Variants in GALNTL6 observed in about 807,000 individuals in gnomAD.
GALNTL6 encodes the protein polypeptide N-acetylgalactosaminyltransferase like 6.
Under a neutral mutation model 73.7 loss-of-function variants are expected in GALNTL6, and 46 were observed. That is an observed-to-expected ratio of 0.62 (90% CI 0.49 to 0.80). The LOEUF is 0.80. Among genes scored for constraint, GALNTL6 ranks in the 30% least tolerant of loss-of-function variants. The pLI is 0.00. For synonymous variants in GALNTL6, 259 were observed against 263.7 expected (o/e 0.98, Z 0.17); for missense variants, 604 against 755.0 (o/e 0.80, Z 2.34).
intron 10 of GALNTL6, among the ~76,000 whole-genome samples, chr4:172,977,732 C>T (rs915969651): frequency 6.6e-5 from 10 of 152,016 alleles, no homozygotes; most frequent in Admixed American, 5.2e-4. Context: ...AGAGGTGTTA[C>T]TAGGAAGCAT....
At chr4:172,989,919 T>G (rs1021397492) in intron 10 of GALNTL6, among the ~76,000 whole-genome samples, 4 of 152,226 alleles carry the variant, frequency 2.6e-5, no homozygotes, top group Non-Finnish European at 4.4e-5. Context: ...CAGATTAGAC[T>G]TTTTAAAGCC....
Position 172,503,897 on chromosome 4 carries a change from A to G in GALNTL6, c.553+155208A>G, listed in dbSNP as rs1734354282. Among the ~76,000 whole-genome samples, 2 of 8,662 alleles carry G rather than the reference A, an allele frequency of 2.3e-4. 1 individual carries two copies. The highest frequency in any genetic ancestry group is 6.9e-4 in the Non-Finnish European group (2 of 2,894). 5.7% of individuals were successfully genotyped at this position (8,662 alleles called of 152,430 possible). A position where few individuals can be genotyped will look rare whatever the true frequency, so the allele number is the denominator to read the frequency against. On this transcript the variant is annotated intron_variant, in intron 5 of 12. Coordinates refer to ENST00000506823, the MANE Select transcript of GALNTL6 (RefSeq NM_001034845.3). The stretch of plus-strand genomic sequence containing the variant: ...AGTCCAAGCACAGATCACGCCTGTA[A>G]TCCTAGCCCATTGGGAGGCCGAGGC...
intron 2 of GALNTL6, among the ~76,000 whole-genome samples, chr4:172,203,403 G>C (rs866584197): frequency 3.3e-5 from 5 of 152,312 alleles, no homozygotes; most frequent in African/African-American, 9.6e-5. Context: ...AAGGTTTTCA[G>C]TATGAAGATC....
chr4:172,710,561 G>A (rs541997645), intron 5 of GALNTL6, among the ~76,000 whole-genome samples: 1 of 151,826 alleles, frequency 6.6e-6, no homozygotes, highest in Non-Finnish European at 1.5e-5. Context: ...ATTTTAACTC[G>A]ATCAGTTAAA....
intron 7 of GALNTL6, among the ~76,000 whole-genome samples, chr4:172,843,290 C>A (rs1251602159): frequency 6.6e-6 from 1 of 152,210 alleles, no homozygotes; most frequent in Non-Finnish European, 1.5e-5. Context: ...TCTGTTCTGC[C>A]TCTTTCCAAG....
intron 2 of GALNTL6, among the ~76,000 whole-genome samples, chr4:172,099,522 C>G (rs1732452951): frequency 6.6e-6 from 1 of 151,994 alleles, no homozygotes; most frequent in African/African-American, 2.4e-5. Flanking sequence ...CAACAAAGAC[C>G]AGAAATAATT....
intron 5 of GALNTL6, among the ~76,000 whole-genome samples, chr4:172,606,630 C>CTATATATAG (rs1553964456): frequency 1.1e-4 from 4 of 37,538 alleles, no homozygotes; most frequent in Non-Finnish European, 1.5e-4. Flanking sequence ...TATATATATA[C>CTATATATAG]TATATATATA....
intron 3 of GALNTL6, among the ~76,000 whole-genome samples, chr4:172,301,590 A>C: frequency 6.6e-6 from 1 of 152,174 alleles, no homozygotes; most frequent in Non-Finnish European, 1.5e-5. Context: ...TCTAACAGTC[A>C]GGACCCTCAG....
intron 7 of GALNTL6, among the ~76,000 whole-genome samples, chr4:172,836,749 T>A: frequency 6.6e-6 from 1 of 152,184 alleles, no homozygotes; most frequent in East Asian, 1.9e-4. Context: ...TGAAAACCTT[T>A]TGCCAGGTAA....
intron 5 of GALNTL6, among the ~76,000 whole-genome samples, chr4:172,549,702 T>C (rs533503905): frequency 9.9e-5 from 15 of 152,162 alleles, no homozygotes; most frequent in Non-Finnish European, 2.1e-4. Context: ...GAGTAATCAA[T>C]TTTTTAAACA....
chr4:172,799,340 A>G (rs1740473877), intron 5 of GALNTL6, among the ~76,000 whole-genome samples: 1 of 152,214 alleles, frequency 6.6e-6, no homozygotes, highest in African/African-American at 2.4e-5. Context: ...GGGAAAAATT[A>G]CAAGTTCAGG....
chr4:172,613,620 T>C (rs1218668418), intron 5 of GALNTL6, among the ~76,000 whole-genome samples: 1 of 152,170 alleles, frequency 6.6e-6, no homozygotes, highest in Non-Finnish European at 1.5e-5. Context: ...TGATTAATAT[T>C]TCAGCAAAAT....
intron 12 of GALNTL6, among the ~76,000 whole-genome samples, chr4:173,031,248 C>T (rs916921648): frequency 1.3e-5 from 2 of 152,144 alleles, no homozygotes; most frequent in Non-Finnish European, 2.9e-5. Flanking sequence ...TAGAGCATAG[C>T]ACATAACAAG....
intron 8 of GALNTL6, among the ~76,000 whole-genome samples, chr4:172,904,303 A>C (rs973100555): frequency 1.3e-5 from 2 of 152,198 alleles, no homozygotes; most frequent in African/African-American, 4.8e-5. Context: ...AGAAATAGAG[A>C]GCGATGGTTA....
chr4:172,910,473 AT>A (rs1747141010), intron 8 of GALNTL6, among the ~76,000 whole-genome samples: 1 of 152,222 alleles, frequency 6.6e-6, no homozygotes, highest in Non-Finnish European at 1.5e-5. Flanking sequence ...TTTCTCACAC[AT>A]TAAACCCAAT....
At chr4:172,503,335 T>C (rs2110782601) in intron 5 of GALNTL6, among the ~76,000 whole-genome samples, 1 of 152,162 alleles carries the variant, frequency 6.6e-6, no homozygotes, top group African/African-American at 2.4e-5. Flanking sequence ...TATAGCAAGC[T>C]AATGCACTTA....
At position 172,066,373 on chromosome 4, in the gene GALNTL6, T is replaced by A. The variant is rs567312152; in HGVS notation, c.139-163283T>A. Among the ~76,000 whole-genome samples, 19 of 152,296 alleles carry A rather than the reference T, an allele frequency of 1.2e-4. No individual in the cohort carries two copies. The South Asian group carries it at 3.9e-3, about 32-fold the overall frequency. The stretch of plus-strand genomic sequence containing the variant: ...TATGTAACTTTTTCAGATTGCCTTC[T>A]TTCTCTTAGCAATATGCATTTATAT... On this transcript the variant is annotated intron_variant, in intron 2 of 12. Coordinates refer to ENST00000506823, the MANE Select transcript of GALNTL6 (RefSeq NM_001034845.3).
rs576435146 is a variant in GALNTL6, at chr4:172,288,773, T to C, written c.248-22841T>C. ...TTTTCTGAGATGATGTTTTTTTAACTGTAAATTGTAACTCGACTATTGGCT... is the reference window on the plus strand; with the variant it reads ...TTTTCTGAGATGATGTTTTTTTAACCGTAAATTGTAACTCGACTATTGGCT... On this transcript the variant is annotated intron_variant, in intron 3 of 12. Transcript: ENST00000506823. Among the ~76,000 whole-genome samples, 7 of 152,304 alleles carry C rather than the reference T, an allele frequency of 4.6e-5. No individual in the cohort carries two copies. In the East Asian group the frequency reaches 9.6e-4, roughly 21 times the overall value.
intron 2 of GALNTL6, among the ~76,000 whole-genome samples, chr4:172,040,596 A>T (rs1386480526): frequency 6.6e-6 from 1 of 152,120 alleles, no homozygotes; most frequent in African/African-American, 2.4e-5. Flanking sequence ...ATAACTGACT[A>T]TTGATGGTCT....
Sources: allele counts gnomAD v4.1 joint callset (sites outside exome capture counted in the v4.1 genomes callset), GRCh38; gene constraint gnomAD v4.1.1; transcripts MANE v1.5; gene names NCBI Gene and HGNC (gene_info 2026-07-23, HGNC 2026-07-21).